Variants in BNC2 observed in about 807,000 individuals in gnomAD.
BNC2 encodes zinc finger protein basonuclin-2.
A neutral mutation model predicts 76.3 loss-of-function variants in BNC2; 20 were observed. The observed-to-expected ratio is 0.26, with a 90% CI of 0.18 to 0.38. BNC2 has a LOEUF of 0.38. Ranked by LOEUF, BNC2 falls within the 10% of genes least tolerant of loss-of-function variation. BNC2 has a pLI of 1.00. For synonymous variants in BNC2, 582 were observed against 514.8 expected (o/e 1.13, Z -1.77); for missense variants, 1,382 against 1,399.8 (o/e 0.99, Z 0.20).
At chr9:16,679,132 C>T (rs989308540) in intron 3 of BNC2, among the ~76,000 whole-genome samples, 1 of 152,058 alleles carries the variant, frequency 6.6e-6, no homozygotes, top group Non-Finnish European at 1.5e-5. Flanking sequence ...TAGAAAGCTA[C>T]ACTGTGCCTC....
chr9:16,600,074 T>G (rs1466493941), intron 3 of BNC2, among the ~76,000 whole-genome samples: 1 of 152,196 alleles, frequency 6.6e-6, no homozygotes, highest in Non-Finnish European at 1.5e-5. Flanking sequence ...GGTATGTACT[T>G]TAAGTAATCC....
chr9:16,692,606 G>C (rs1411400987), intron 3 of BNC2, among the ~76,000 whole-genome samples: 1 of 152,112 alleles, frequency 6.6e-6, no homozygotes, highest in Non-Finnish European at 1.5e-5. Flanking sequence ...TCCAATGAAG[G>C]CTGAGAACTT....
chr9:16,550,739 A>G (rs1244147715), intron 5 of BNC2, among the ~76,000 whole-genome samples: 2 of 152,224 alleles, frequency 1.3e-5, no homozygotes, highest in African/African-American at 4.8e-5. Flanking sequence ...TAATGACAGA[A>G]GTATAAGCAG....
At chr9:16,791,550 A>C (rs1817511268) in intron 1 of BNC2, among the ~76,000 whole-genome samples, 1 of 152,202 alleles carries the variant, frequency 6.6e-6, no homozygotes, top group African/African-American at 2.4e-5. Flanking sequence ...TAAGAAACAG[A>C]GATTGATGCC....
At chr9:16,546,703 T>C (rs1266204240) in intron 5 of BNC2, among the ~76,000 whole-genome samples, 2 of 152,202 alleles carry the variant, frequency 1.3e-5, no homozygotes, top group South Asian at 2.1e-4. Flanking sequence ...AGACATTTGG[T>C]GTGCCACTGA....
At chr9:16,737,867 G>A (rs1022684517) in intron 2 of BNC2, among the ~76,000 whole-genome samples, 1 of 152,040 alleles carries the variant, frequency 6.6e-6, no homozygotes, top group African/African-American at 2.4e-5. Flanking sequence ...TTCAGGTAGT[G>A]TTATGTATCT....
At chr9:16,425,931 C>T (rs1291793538) in intron 6 of BNC2, among the ~76,000 whole-genome samples, 1 of 152,216 alleles carries the variant, frequency 6.6e-6, no homozygotes, top group African/African-American at 2.4e-5. Context: ...ATTCCCTAAC[C>T]ATTTTACTTT....
At chr9:16,726,310 G>A (rs1220468907) in intron 3 of BNC2, among the ~76,000 whole-genome samples, 1 of 152,022 alleles carries the variant, frequency 6.6e-6, no homozygotes, top group East Asian at 1.9e-4. Context: ...CAGTAATCAG[G>A]GTCCCTCTAC....
intron 5 of BNC2, among the ~76,000 whole-genome samples, chr9:16,439,271 C>A (rs898311971): frequency 4.6e-5 from 7 of 152,098 alleles, no homozygotes; most frequent in African/African-American, 1.7e-4. Flanking sequence ...TTTACAACCT[C>A]AACTCAATCA....
At position 16,582,774 on chromosome 9, in the gene BNC2, G is replaced by T. The variant is rs78531566; in HGVS notation, c.433+209C>A. Reference sequence around the variant, plus strand: ...ACATCTTGGCCTTCTGCTGAGAGCTGCTCGCCTAGCTCCTTGGAGCTGAGA... The same window carrying T: ...ACATCTTGGCCTTCTGCTGAGAGCTTCTCGCCTAGCTCCTTGGAGCTGAGA... On this transcript the variant is annotated intron_variant, in intron 4 of 6. Coordinates refer to ENST00000380672, the MANE Select transcript of BNC2 (RefSeq NM_017637.6). 2.0e-5 allele frequency among the ~76,000 whole-genome samples: 3 copies of T among 152,260 alleles called. No individual in the cohort carries two copies. The East Asian group carries it at 5.8e-4, about 29-fold the overall frequency.
chr9:16,822,501 G>C (rs1338484153), intron 1 of BNC2, among the ~76,000 whole-genome samples: 1 of 152,120 alleles, frequency 6.6e-6, no homozygotes, highest in Non-Finnish European at 1.5e-5. Flanking sequence ...GAACTAGTTA[G>C]TTTCCCCCAG....
chr9:16,651,446 A>T (rs1821792028), intron 3 of BNC2, among the ~76,000 whole-genome samples: 1 of 152,172 alleles, frequency 6.6e-6, no homozygotes, highest in African/African-American at 2.4e-5. Flanking sequence ...TTCATATTAC[A>T]AGATTTTGTC....
In BNC2 at chr9:16,502,993, A is replaced by G. The variant is rs565821056; in HGVS notation, c.669+49537T>C. ...GTAACTCAATCAATGAAAGCGTACC[A>G]AGACTTTCCAAAAGCACATGGAAGT... is the stretch of plus-strand genomic sequence containing the variant. On this transcript the variant is annotated intron_variant, in intron 5 of 6. Coordinates refer to ENST00000380672, the MANE Select transcript of BNC2 (RefSeq NM_017637.6). Among the ~76,000 whole-genome samples the G allele has an allele frequency of 1.2e-3, 190 of 152,312 alleles. 1 individual carries two copies. Among genetic ancestry groups the G allele is most frequent in the African/African-American group, 4.3e-3 (180 of 41,560 alleles).
Position 16,436,069 on chromosome 9 carries a change from C to T in BNC2, c.2125G>A (p.Asp709Asn), listed in dbSNP as rs890056375. Residue 709 changes from aspartate (D) to asparagine (N), a missense_variant, in exon 6 of 7, where the codon GAC (aspartate) becomes AAC (asparagine). This residue lies in a region of BNC2 where 798 missense variants were observed against 775.5 expected (regional missense o/e 1.03). Coordinates refer to ENST00000380672, the MANE Select transcript of BNC2 (RefSeq NM_017637.6). ...CISRTEIRRA[D>N]SMTSEDQEPE... The stretch of plus-strand genomic sequence containing the variant: ...TCTTGGTCTTCAGAAGTCATGCTGT[C>T]GGCCCTCCTTATTTCAGTCCTTGAA... The T allele has an allele frequency of 6.2e-7, 1 of 1,614,142 alleles. No homozygotes were observed. The highest frequency in any genetic ancestry group is 1.1e-5 in the South Asian group (1 of 91,078).
intron 3 of BNC2, among the ~76,000 whole-genome samples, chr9:16,592,494 A>C (rs1819957682): frequency 6.6e-6 from 1 of 152,208 alleles, no homozygotes; most frequent in Admixed American, 6.5e-5. Context: ...GAAATATGTA[A>C]TGATAAAAAG....
chr9:16,556,881 C>T (rs947837550), intron 4 of BNC2, among the ~76,000 whole-genome samples: 4 of 151,954 alleles, frequency 2.6e-5, no homozygotes, highest in African/African-American at 9.7e-5. Flanking sequence ...TTTATAATTA[C>T]TAGATCATAT....
At chr9:16,773,025 G>C (rs1825870259) in intron 1 of BNC2, among the ~76,000 whole-genome samples, 1 of 152,130 alleles carries the variant, frequency 6.6e-6, no homozygotes, top group African/African-American at 2.4e-5. Flanking sequence ...GGTGCAAAGA[G>C]GCTATTTAGA....
intron 5 of BNC2, among the ~76,000 whole-genome samples, chr9:16,444,540 C>T (rs151241022): frequency 6.6e-6 from 1 of 152,148 alleles, no homozygotes; most frequent in African/African-American, 2.4e-5. Context: ...TGGATCACCT[C>T]AGGAGTGAGT....
chr9:16,651,878 G>T (rs369906941), intron 3 of BNC2, among the ~76,000 whole-genome samples: 5 of 152,130 alleles, frequency 3.3e-5, no homozygotes, highest in Non-Finnish European at 7.4e-5. Flanking sequence ...AGAGAAAGAC[G>T]ATTAGCATGT....
Sources: allele counts gnomAD v4.1 joint callset (sites outside exome capture counted in the v4.1 genomes callset), GRCh38; gene constraint gnomAD v4.1.1; regional missense constraint gnomAD v4.1.1; transcripts MANE v1.5; gene names NCBI Gene and HGNC (gene_info 2026-07-23, HGNC 2026-07-21).